The following ARPP21 variants were observed in gnomAD, a reference collection of about 807,000 sequenced individuals.
The protein encoded by ARPP21 is cAMP regulated phosphoprotein 21.
ARPP21 carries 69 observed loss-of-function variants against 113.2 expected under a neutral mutation model. The observed-to-expected ratio is 0.61, with a 90% CI of 0.50 to 0.74. The LOEUF (loss-of-function observed/expected upper bound fraction) is 0.74. ARPP21 is among the 30% of genes least tolerant of loss of function. ARPP21 has a pLI of 0.00. For missense variants in ARPP21, 1,070 were observed against 1,037.4 expected (o/e 1.03, Z -0.43); for synonymous variants, 368 against 375.5 (o/e 0.98, Z 0.23).
intron 19 of ARPP21, among the ~76,000 whole-genome samples, chr3:35,759,575 G>A (rs1183785053): frequency 6.6e-6 from 1 of 151,932 alleles, no homozygotes; most frequent in Non-Finnish European, 1.5e-5. Flanking sequence ...TCTTATTCAG[G>A]AAGAAGTCTT....
chr3:35,750,095 T>A (rs2095345673), intron 19 of ARPP21, among the ~76,000 whole-genome samples: 1 of 151,046 alleles, frequency 6.6e-6, no homozygotes, highest in Admixed American at 6.6e-5. Context: ...CTTCCTTCTG[T>A]TAATTTTAGG....
At chr3:35,648,680 G>A (rs1701204491) in intron 1 of ARPP21, among the ~76,000 whole-genome samples, 1 of 152,150 alleles carries the variant, frequency 6.6e-6, no homozygotes, top group Non-Finnish European at 1.5e-5. Context: ...TCTCGTAACT[G>A]AGGTTTAAAC....
intron 1 of ARPP21, among the ~76,000 whole-genome samples, chr3:35,668,941 A>T (rs1360926235): frequency 6.6e-6 from 1 of 152,176 alleles, no homozygotes; most frequent in East Asian, 1.9e-4. Flanking sequence ...TTAATATAAT[A>T]CTTAACTATA....
At chr3:35,721,914 C>A (rs2093112270) in intron 14 of ARPP21, 80 bp downstream of exon 14, 1 of 845,876 alleles carries the variant, frequency 1.2e-6, no homozygotes, top group Non-Finnish European at 1.8e-6. Context: ...TTCCCTCTGA[C>A]TTTCAGTTGA....
At chr3:35,744,458 C>T (rs1198989717) in intron 19 of ARPP21, 2 of 527,188 alleles carry the variant, frequency 3.8e-6, no homozygotes, top group Non-Finnish European at 7.8e-6. Context: ...TGCCTCCTGC[C>T]CAGAGCCCGG....
chr3:35,762,607 A>T (rs1266114103), intron 19 of ARPP21, among the ~76,000 whole-genome samples: 1 of 152,114 alleles, frequency 6.6e-6, no homozygotes, highest in Non-Finnish European at 1.5e-5. Context: ...ATTTGATACG[A>T]GTTGTGTCAA....
At chr3:35,779,323 G>A (rs1049213829) in intron 19 of ARPP21, among the ~76,000 whole-genome samples, 9 of 152,154 alleles carry the variant, frequency 5.9e-5, no homozygotes, top group African/African-American at 2.2e-4. Flanking sequence ...ATTCCTCAGT[G>A]TGAGCATTCA....
At chr3:35,715,719 T>C (rs2092294628) in intron 12 of ARPP21, 1 of 312,714 alleles carries the variant, frequency 3.2e-6, no homozygotes, top group Admixed American at 4.4e-5. Flanking sequence ...ATTTAAAGTC[T>C]CAATTTCTGG....
At chr3:35,758,294 G>C (rs1399418556) in intron 19 of ARPP21, among the ~76,000 whole-genome samples, 1 of 151,802 alleles carries the variant, frequency 6.6e-6, no homozygotes, top group African/African-American at 2.4e-5. Flanking sequence ...GGGGGCGGGG[G>C]AACTAAAGCT....
intron 9 of ARPP21, among the ~76,000 whole-genome samples, chr3:35,698,499 T>C (rs1195819835): frequency 1.3e-5 from 2 of 151,696 alleles, no homozygotes; most frequent in Non-Finnish European, 3.0e-5. Flanking sequence ...TTTATCTATT[T>C]ATTTATCTAT....
intron 9 of ARPP21, among the ~76,000 whole-genome samples, chr3:35,692,657 C>A (rs1243167049): frequency 6.6e-6 from 1 of 151,612 alleles, no homozygotes; most frequent in African/African-American, 2.4e-5. Flanking sequence ...AGACATGTTT[C>A]CTCGGAGAAT....
In ARPP21 at chr3:35,729,677, G is replaced by A. The variant is rs367989609; in HGVS notation, c.1459+141G>A. 14 of 685,456 alleles carry A rather than the reference G, an allele frequency of 2.0e-5. No homozygotes were observed. The East Asian group carries it at 3.3e-4, about 16-fold the overall frequency. 42.5% of individuals were successfully genotyped at this position (685,456 alleles called of 1,614,324 possible). A position where few individuals can be genotyped will look rare whatever the true frequency, so the allele number is the denominator to read the frequency against. Reference sequence around the variant, plus strand: ...GCATGAACTGTTATGAAGCATTTTTGTTTAGAAAGAGCAGATTTACAGCAG... The same window carrying A: ...GCATGAACTGTTATGAAGCATTTTTATTTAGAAAGAGCAGATTTACAGCAG... On this transcript the variant is annotated intron_variant, in intron 15 of 20. Coordinates refer to ENST00000684406, the MANE Select transcript of ARPP21 (RefSeq NM_001385562.1).
intron 19 of ARPP21, among the ~76,000 whole-genome samples, chr3:35,767,640 T>G (rs577173948): frequency 6.6e-6 from 1 of 152,338 alleles, no homozygotes; most frequent in Non-Finnish European, 1.5e-5. Context: ...GAATTAGCTT[T>G]AATTCTGTCT....
intron 19 of ARPP21, among the ~76,000 whole-genome samples, chr3:35,748,410 GAGAGAAAGAAA>G (rs1042814356): frequency 3.6e-5 from 5 of 139,140 alleles, no homozygotes; most frequent in South Asian, 2.3e-4. Flanking sequence ...GGAGAAAGGA[GAGAGAAAGAAA>G]AGAGAAAGAA....
chr3:35,768,958 A>G (rs2096089406), intron 19 of ARPP21, among the ~76,000 whole-genome samples: 1 of 152,204 alleles, frequency 6.6e-6, no homozygotes, highest in Admixed American at 6.5e-5. Context: ...CTCTTCTTTG[A>G]GTGTCAACCT....
At chr3:35,788,614 C>A (rs2096680241) in intron 19 of ARPP21, among the ~76,000 whole-genome samples, 2 of 152,156 alleles carry the variant, frequency 1.3e-5, no homozygotes, top group Admixed American at 1.3e-4. Context: ...ATAGAGATTA[C>A]TATTTTGTCT....
At chr3:35,749,906 C>G (rs1348013481) in intron 19 of ARPP21, among the ~76,000 whole-genome samples, 1 of 151,842 alleles carries the variant, frequency 6.6e-6, no homozygotes, top group Non-Finnish European at 1.5e-5. Flanking sequence ...TTGTGATATC[C>G]TGTTTCATTC....
chr3:35,698,448 T>A (rs1308619455), intron 9 of ARPP21, among the ~76,000 whole-genome samples: 1 of 151,654 alleles, frequency 6.6e-6, no homozygotes, highest in Admixed American at 6.6e-5. Context: ...AATATAATAT[T>A]TTATAGAGAT....
intron 11 of ARPP21, 131 bp downstream of exon 11, chr3:35,709,201 C>A (rs773526527): frequency 6.1e-6 from 4 of 654,976 alleles, no homozygotes; most frequent in Middle Eastern, 2.6e-4. Context: ...CTGAAGAAAA[C>A]TAGAGGTGAT....
Sources: gnomAD v4.1 joint callset for allele counts (sites outside exome capture counted in the v4.1 genomes callset) on GRCh38, gnomAD v4.1.1 for gene constraint, MANE v1.5 for transcripts, NCBI Gene and HGNC (gene_info 2026-07-23, HGNC 2026-07-21) for gene names.